ROBO2: variants seen among roughly 807,000 people sequenced by gnomAD.
ROBO2 encodes roundabout guidance receptor 2.
A neutral mutation model predicts 160.8 loss-of-function variants in ROBO2; 53 were observed. That is an observed-to-expected ratio of 0.33 (90% CI 0.26 to 0.41). ROBO2 has a LOEUF of 0.41. Ranked by LOEUF, ROBO2 falls within the 10% of genes least tolerant of loss-of-function variation. ROBO2 has a pLI of 1.00. For synonymous variants in ROBO2, 664 were observed against 611.7 expected (o/e 1.09, Z -1.26); for missense variants, 1,577 against 1,722.4 (o/e 0.92, Z 1.49).
chr3:76,149,486 A>AACACATCATCTGTCTGAAGC (rs1316209530), intron 2 of ROBO2, among the ~76,000 whole-genome samples: 1 of 152,032 alleles, frequency 6.6e-6, no homozygotes, highest in Non-Finnish European at 1.5e-5. Context: ...ATCTGTCTAA[A>AACACATCATCTGTCTGAAGC]ACACATCATC....
At chr3:76,386,051 C>T (rs1024093596) in intron 2 of ROBO2, among the ~76,000 whole-genome samples, 5 of 152,006 alleles carry the variant, frequency 3.3e-5, no homozygotes, top group Non-Finnish European at 7.4e-5. Context: ...TAAATGAGTA[C>T]ATCCTTATAT....
intron 2 of ROBO2, among the ~76,000 whole-genome samples, chr3:77,160,954 C>T (rs1035045044): frequency 1.2e-4 from 19 of 152,074 alleles, no homozygotes; most frequent in African/African-American, 4.6e-4. Context: ...TCCCAGTTTC[C>T]TATGGATTCA....
chr3:77,009,908 T>C (rs1406116934), intron 2 of ROBO2, among the ~76,000 whole-genome samples: 1 of 134,786 alleles, frequency 7.4e-6, no homozygotes, highest in East Asian at 2.2e-4. Flanking sequence ...GTCGTGCCAC[T>C]GCACTCCAGC....
intron 2 of ROBO2, among the ~76,000 whole-genome samples, chr3:76,796,448 G>C (rs2063697955): frequency 7.3e-6 from 1 of 137,022 alleles, no homozygotes; most frequent in African/African-American, 2.7e-5. Context: ...AAAGAAGGAA[G>C]AAAGAAAAAA....
chr3:77,449,908 T>C (rs1233080643), intron 2 of ROBO2, among the ~76,000 whole-genome samples: 1 of 152,102 alleles, frequency 6.6e-6, no homozygotes, highest in East Asian at 1.9e-4. Flanking sequence ...CACAATGGGC[T>C]TTTTATTTTT....
At chr3:76,557,683 A>G (rs2083885501) in intron 2 of ROBO2, among the ~76,000 whole-genome samples, 1 of 150,258 alleles carries the variant, frequency 6.7e-6, no homozygotes, top group South Asian at 2.1e-4. Flanking sequence ...TAGATGAAAT[A>G]CATGGAATTC....
chr3:76,961,088 C>T (rs1447917493), intron 2 of ROBO2, among the ~76,000 whole-genome samples: 1 of 151,600 alleles, frequency 6.6e-6, no homozygotes, highest in Non-Finnish European at 1.5e-5. Flanking sequence ...AAAGTTGGGG[C>T]CCATTTTCAA....
chr3:75,907,294 G>C (rs1384165718), intron 1 of ROBO2, among the ~76,000 whole-genome samples: 9 of 152,060 alleles, frequency 5.9e-5, no homozygotes, highest in Non-Finnish European at 1.3e-4. Flanking sequence ...CCTTCCTTTT[G>C]CTTGCCTCAT....
chr3:76,039,747 C>G (rs2067224855), intron 2 of ROBO2, among the ~76,000 whole-genome samples: 1 of 151,884 alleles, frequency 6.6e-6, no homozygotes, highest in Non-Finnish European at 1.5e-5. Context: ...TGTTGAGCCT[C>G]TATAATTAGT....
intron 2 of ROBO2, among the ~76,000 whole-genome samples, chr3:76,173,524 C>T (rs1452175931): frequency 6.6e-6 from 1 of 151,834 alleles, no homozygotes; most frequent in Non-Finnish European, 1.5e-5. Context: ...GACCCCCACC[C>T]CTGACAGGCC....
At chr3:76,178,097 G>A (rs2073294790) in intron 2 of ROBO2, among the ~76,000 whole-genome samples, 2 of 152,096 alleles carry the variant, frequency 1.3e-5, no homozygotes, top group Non-Finnish European at 2.9e-5. Context: ...GAGATTTGAA[G>A]CATGATCTTT....
chr3:76,000,964 A>C (rs931445206), intron 2 of ROBO2, among the ~76,000 whole-genome samples: 3 of 152,094 alleles, frequency 2.0e-5, no homozygotes, highest in African/African-American at 7.2e-5. Flanking sequence ...ATCTATTTTC[A>C]CATCTTTAAG....
chr3:77,061,888 A>T (rs2066351828), intron 1 of ROBO2, among the ~76,000 whole-genome samples: 1 of 152,198 alleles, frequency 6.6e-6, no homozygotes, highest in Admixed American at 6.5e-5. Flanking sequence ...GCAAGGAATA[A>T]CAGTGGTTAT....
chr3:76,325,507 A>G (rs567249475), intron 2 of ROBO2, among the ~76,000 whole-genome samples: 1 of 152,140 alleles, frequency 6.6e-6, no homozygotes, highest in Non-Finnish European at 1.5e-5. Flanking sequence ...CAGGTATCAG[A>G]CCATACTTGT....
At chr3:77,215,839 G>A (rs537724377) in intron 2 of ROBO2, among the ~76,000 whole-genome samples, 12 of 152,280 alleles carry the variant, frequency 7.9e-5, no homozygotes, top group Admixed American at 2.6e-4. Context: ...GTTTGCTGGA[G>A]GTCCACTCCA....
At chr3:77,192,572 T>C (rs972532388) in intron 2 of ROBO2, among the ~76,000 whole-genome samples, 2 of 151,732 alleles carry the variant, frequency 1.3e-5, no homozygotes, top group Non-Finnish European at 2.9e-5. Flanking sequence ...CATGCAGATA[T>C]CAAATGTGGG....
chr3:76,273,714 A>C (rs1707748484), intron 2 of ROBO2, among the ~76,000 whole-genome samples: 1 of 152,212 alleles, frequency 6.6e-6, no homozygotes, highest in African/African-American at 2.4e-5. Context: ...ACTCACGATC[A>C]TGAGCAGAGC....
At chr3:76,273,826 G>A (rs1468711590) in intron 2 of ROBO2, among the ~76,000 whole-genome samples, 2 of 152,104 alleles carry the variant, frequency 1.3e-5, no homozygotes. Flanking sequence ...GTATTTGGGT[G>A]GGGACACCAC....
chr3:76,202,231 T>C (rs1702571692), intron 2 of ROBO2, among the ~76,000 whole-genome samples: 1 of 152,202 alleles, frequency 6.6e-6, no homozygotes, highest in Non-Finnish European at 1.5e-5. Context: ...TGTTTCATAA[T>C]TCATAAAATG....
Sources: gnomAD v4.1 joint callset for allele counts (sites outside exome capture counted in the v4.1 genomes callset) on GRCh38, gnomAD v4.1.1 for gene constraint, MANE v1.5 for transcripts, NCBI Gene and HGNC (gene_info 2026-07-23, HGNC 2026-07-21) for gene names.